Variants in JADE3 observed in about 807,000 individuals in gnomAD.
JADE3 encodes protein Jade-3.
A neutral mutation model predicts 50.1 loss-of-function variants in JADE3; 2 were observed. That is an observed-to-expected ratio of 0.04 (90% CI 0.02 to 0.13). The LOEUF is 0.13. JADE3 is among the 10% of genes least tolerant of loss of function. The pLI is 1.00. For missense variants in JADE3, 475 were observed against 634.4 expected (o/e 0.75, Z 2.70); for synonymous variants, 218 against 232.9 (o/e 0.94, Z 0.58).
chrX:46,948,181 G>C (rs1321603028), intron 1 of JADE3, among the ~76,000 whole-genome samples: 1 of 112,110 alleles, frequency 8.9e-6, no homozygotes, highest in Non-Finnish European at 1.9e-5. Context: ...ATCAATTCCT[G>C]GGCAGCTTTT....
intron 6 of JADE3, among the ~76,000 whole-genome samples, chrX:47,031,702 C>T (rs1468240708): frequency 9.1e-6 from 1 of 109,768 alleles, no homozygotes; most frequent in Non-Finnish European, 1.9e-5. Context: ...TGCAAAACCT[C>T]GTCTCTACAA....
chrX:46,952,512 C>T (rs1215832648), intron 1 of JADE3, among the ~76,000 whole-genome samples: 1 of 112,206 alleles, frequency 8.9e-6, no homozygotes, highest in Non-Finnish European at 1.9e-5. Flanking sequence ...GAAGTGGAGG[C>T]CTTCCCAGGA....
intron 4 of JADE3, among the ~76,000 whole-genome samples, chrX:47,005,416 T>C (rs1928392152): frequency 9.0e-6 from 1 of 110,859 alleles, no homozygotes; most frequent in Non-Finnish European, 1.9e-5. Context: ...AATTTTTGTA[T>C]TTTTAGTAGA....
intron 3 of JADE3, among the ~76,000 whole-genome samples, chrX:46,989,859 C>A (rs1927944909): frequency 9.0e-6 from 1 of 110,556 alleles, no homozygotes; most frequent in South Asian, 3.8e-4. Context: ...TGTTATTTTC[C>A]CACAGGTCCC....
intron 4 of JADE3, among the ~76,000 whole-genome samples, chrX:47,021,636 T>C (rs1928796135): frequency 8.9e-6 from 1 of 112,331 alleles, no homozygotes; most frequent in Non-Finnish European, 1.9e-5. Context: ...TTAAGTTTAA[T>C]TATTCTGGTA....
At chrX:46,947,858 A>G (rs1569534916) in intron 1 of JADE3, among the ~76,000 whole-genome samples, 2 of 111,573 alleles carry the variant, frequency 1.8e-5, no homozygotes, top group Admixed American at 9.6e-5. Context: ...TCAATATTCT[A>G]TCATGCCCCC....
intron 1 of JADE3, among the ~76,000 whole-genome samples, chrX:46,982,105 A>G (rs1334153820): frequency 9.0e-6 from 1 of 110,807 alleles, no homozygotes; most frequent in Non-Finnish European, 1.9e-5. Flanking sequence ...CCCATTATGT[A>G]TATGTTGATG....
rs186953257 is a variant in JADE3, at chrX:47,009,892, C to T, written c.284+11615C>T. Among the ~76,000 whole-genome samples the T allele has an allele frequency of 5.5e-3, 601 of 109,287 alleles. 4 individuals are homozygous for T. Among genetic ancestry groups the T allele is most frequent in the African/African-American group, 0.017 (504 of 29,922 alleles). 94.9% of individuals were successfully genotyped at this position (109,287 alleles called of 115,157 possible). A position where few individuals can be genotyped will look rare whatever the true frequency, so the allele number is the denominator to read the frequency against. On this transcript the variant is annotated intron_variant, in intron 4 of 10. Transcript: ENST00000614628. ...CTCCCACCTCGGCCTCCCAAAATAC[C>T]GGGATTACAGGTGTGAACCACTATG...
intron 3 of JADE3, among the ~76,000 whole-genome samples, chrX:46,987,158 G>A (rs1556354775): frequency 8.9e-6 from 1 of 112,196 alleles, no homozygotes; most frequent in Non-Finnish European, 1.9e-5. Context: ...GAAGGACTGA[G>A]GTTTCTGTTT....
intron 4 of JADE3, among the ~76,000 whole-genome samples, chrX:47,022,057 T>C (rs1378781921): frequency 8.9e-6 from 1 of 112,552 alleles, no homozygotes; most frequent in Non-Finnish European, 1.9e-5. Flanking sequence ...TTAATGAGCA[T>C]ATTGGTATAG....
Position 47,058,790 on chromosome X carries a change from G to A in JADE3, c.2185G>A (p.Asp729Asn). 1.7e-6 allele frequency: 2 copies of A among 1,209,063 alleles called. No homozygotes were observed. The highest frequency in any genetic ancestry group is 2.2e-6 in the Non-Finnish European group (2 of 893,257). ...CAATAGGTGGGTGAAGAACACAGAG[G>A]ACCTCCAGTGCTATGTGAAGCCAAC... ...TTNRWVKNTE[D>N]LQCYVKPTKN... The change falls in exon 11 of 11, where the codon GAC (aspartate) becomes AAC (asparagine). Residue 729 changes from aspartate to asparagine, a missense_variant. Transcript: ENST00000614628.
intron 2 of JADE3, among the ~76,000 whole-genome samples, chrX:46,985,256 T>C (rs1028360016): frequency 1.6e-4 from 18 of 111,964 alleles, no homozygotes; most frequent in African/African-American, 5.8e-4. Flanking sequence ...CTGATTCTAA[T>C]TGTAGCTTAG....
chrX:46,991,868 A>G (rs1928017382), intron 3 of JADE3, among the ~76,000 whole-genome samples: 1 of 110,816 alleles, frequency 9.0e-6, no homozygotes, highest in Admixed American at 9.6e-5. Context: ...AGCGTAGTAG[A>G]GGGTATGGGG....
At chrX:46,944,726 C>G (rs1275215627) in intron 1 of JADE3, among the ~76,000 whole-genome samples, 1 of 111,668 alleles carries the variant, frequency 9.0e-6, no homozygotes, top group East Asian at 2.8e-4. Flanking sequence ...TTTAAATGTT[C>G]TGTACACATT....
At chrX:47,000,463 G>C in intron 4 of JADE3, among the ~76,000 whole-genome samples, 1 of 111,589 alleles carries the variant, frequency 9.0e-6, no homozygotes, top group Non-Finnish European at 1.9e-5. Context: ...AATGTCCCCT[G>C]TACCACTTTA....
At chrX:46,923,365 G>A (rs1286842437) in intron 1 of JADE3, among the ~76,000 whole-genome samples, 1 of 85,002 alleles carries the variant, frequency 1.2e-5, no homozygotes, top group African/African-American at 3.9e-5. Context: ...GTGGGTACCA[G>A]AGATTTCTTT....
rs188070687 is a variant in JADE3, at chrX:46,942,940, G to C, written c.-12+30221G>C. 8.6e-4 allele frequency among the ~76,000 whole-genome samples: 96 copies of C among 111,444 alleles called. 1 individual carries two copies. The highest frequency in any genetic ancestry group is 6.2e-3 in the Admixed American group (65 of 10,454). On this transcript the variant is annotated intron_variant, in intron 1 of 10. Coordinates refer to ENST00000614628, the MANE Select transcript of JADE3 (RefSeq NM_014735.5). Reference sequence around the variant, plus strand: ...AACCTCCTTGGTTAGATGTATTCTAGGTATTTTATTTTTGTGTGTCTGGCT... The same window carrying C: ...AACCTCCTTGGTTAGATGTATTCTACGTATTTTATTTTTGTGTGTCTGGCT...
chrX:47,057,004 G>T (rs782588333), intron 10 of JADE3, among the ~76,000 whole-genome samples: 3 of 111,942 alleles, frequency 2.7e-5, no homozygotes, highest in Non-Finnish European at 5.6e-5. Context: ...GGGTATCTGA[G>T]TGTCATGGGT....
intron 1 of JADE3, among the ~76,000 whole-genome samples, chrX:46,982,572 C>T (rs919764837): frequency 3.6e-5 from 4 of 111,176 alleles, no homozygotes; most frequent in African/African-American, 1.3e-4. Context: ...TACCCCTCCA[C>T]CAGGGTTCTT....
Sources: allele counts gnomAD v4.1 joint callset (sites outside exome capture counted in the v4.1 genomes callset), GRCh38; gene constraint gnomAD v4.1.1; transcripts MANE v1.5; gene names NCBI Gene and HGNC (gene_info 2026-07-23, HGNC 2026-07-21).